Variants in SETBP1 observed in about 807,000 individuals in gnomAD.
SETBP1 encodes the protein SET-binding protein.
A neutral mutation model predicts 101.0 loss-of-function variants in SETBP1; 9 were observed. That is an observed-to-expected ratio of 0.09 (90% confidence interval 0.05 to 0.16). SETBP1 has a LOEUF of 0.16. SETBP1 is among the 10% of genes least tolerant of loss of function. SETBP1 has a pLI of 1.00. For missense variants in SETBP1, 1,858 were observed against 2,033.8 expected (o/e 0.91, Z 1.66); for synonymous variants, 818 against 788.5 (o/e 1.04, Z -0.63).
chr18:44,994,296 T>A (rs1944275), intron 4 of SETBP1, among the ~76,000 whole-genome samples: 33,113 of 152,008 alleles, frequency 0.22, 3,954 homozygotes, highest in East Asian at 0.52. Context: ...AGGATTACTC[T>A]TGTAATCCAG....
intron 4 of SETBP1, among the ~76,000 whole-genome samples, chr18:44,965,312 C>CACAG (rs992242128): frequency 1.1e-4 from 17 of 151,542 alleles, no homozygotes; most frequent in Non-Finnish European, 1.9e-4. Flanking sequence ...CACACACACA[C>CACAG]AGATCACTCA....
chr18:44,890,350 A>G (rs1023241240), intron 3 of SETBP1, among the ~76,000 whole-genome samples: 15 of 152,160 alleles, frequency 9.9e-5, no homozygotes, highest in African/African-American at 3.4e-4. Flanking sequence ...ATTGTGAAAC[A>G]TAAAGGGGCT....
chr18:44,701,635 A>G lies in SETBP1; in HGVS notation c.289A>G (p.Asn97Asp), dbSNP rs945468556. ...GCAGGAATTTTCTATCAAGGAGGCA[A>G]ACTTCACAGAGGGAAGTCTGAAGCT... ...EEQEFSIKEA[N>D]FTEGSLKLKI... Residue 97 changes from asparagine to aspartate, a missense_variant, in exon 2 of 6, where the codon AAC becomes GAC. Asn to Asp is a conservative substitution (Grantham distance 23). This residue lies in a region of SETBP1 where 28 missense variants were observed against 59.2 expected (regional missense o/e 0.47). Transcript: ENST00000649279. 4.3e-6 allele frequency: 7 copies of G among 1,614,022 alleles called. No homozygotes were observed. The highest frequency in any genetic ancestry group is 4.0e-5 in the African/African-American group (3 of 74,892).
At chr18:44,995,135 C>CTTTTTTT (rs58617770) in intron 4 of SETBP1, among the ~76,000 whole-genome samples, 4 of 95,026 alleles carry the variant, frequency 4.2e-5, no homozygotes, top group Non-Finnish European at 8.0e-5. Context: ...ATGTTATTTA[C>CTTTTTTT]TTTTTTTTTT....
At chr18:44,848,488 G>C (rs755942341) in intron 2 of SETBP1, among the ~76,000 whole-genome samples, 1 of 152,194 alleles carries the variant, frequency 6.6e-6, no homozygotes, top group Non-Finnish European at 1.5e-5. Flanking sequence ...GTTGAGAAGA[G>C]ACATGTATAC....
chr18:44,780,712 A>G (rs1473117929), intron 2 of SETBP1, among the ~76,000 whole-genome samples: 1 of 152,240 alleles, frequency 6.6e-6, no homozygotes, highest in Admixed American at 6.5e-5. Flanking sequence ...AGTTGCCCTC[A>G]TAGTTATGGT....
intron 4 of SETBP1, among the ~76,000 whole-genome samples, chr18:44,994,089 T>C (rs1410504401): frequency 1.3e-5 from 2 of 152,142 alleles, no homozygotes; most frequent in East Asian, 1.9e-4. Context: ...ATTTGCATTT[T>C]ATATTACCAA....
rs776187085 is a variant in SETBP1 at position 44,952,362 on chromosome 18, C to T, written c.3022C>T (p.Arg1008Cys). 11 of 1,613,962 alleles carry T rather than the reference C, an allele frequency of 6.8e-6. No homozygotes were observed. Among genetic ancestry groups the T allele is most frequent in the East Asian group, 4.5e-5 (2 of 44,858 alleles). Residue 1008 changes from arginine (R) to cysteine (C), a missense_variant, in exon 4 of 6, where the codon CGT (arginine) becomes TGT (cysteine). Arg to Cys is a radical substitution (Grantham distance 180, BLOSUM62 -3). Transcript: ENST00000649279. ...CCAGTATGACCCGTTGCTCTATCTT[C>T]GTAGGACTTCAGACTTGAAGTCAAA... ...YIQYDPLLYL[R>C]RTSDLKSKKK...
At chr18:44,785,880 A>G (rs1174142612) in intron 2 of SETBP1, among the ~76,000 whole-genome samples, 1 of 152,218 alleles carries the variant, frequency 6.6e-6, no homozygotes, top group Non-Finnish European at 1.5e-5. Context: ...CCTTATAAGT[A>G]CATTTTATTA....
chr18:44,727,507 G>A (rs968870891), intron 2 of SETBP1, among the ~76,000 whole-genome samples: 1 of 152,104 alleles, frequency 6.6e-6, no homozygotes, highest in Admixed American at 6.5e-5. Context: ...GACAGTAGGT[G>A]GACACTGTCT....
intron 2 of SETBP1, among the ~76,000 whole-genome samples, chr18:44,702,407 C>T (rs1335377587): frequency 6.6e-6 from 1 of 152,114 alleles, no homozygotes; most frequent in Non-Finnish European, 1.5e-5. Flanking sequence ...TTTAGAGACT[C>T]AAGAAGAAAC....
At chr18:45,008,338 C>T (rs574440593) in intron 4 of SETBP1, among the ~76,000 whole-genome samples, 57 of 152,202 alleles carry the variant, frequency 3.7e-4, no homozygotes, top group African/African-American at 1.3e-3. Flanking sequence ...TAGTCTTCAT[C>T]GAAGACCATG....
chr18:44,991,225 A>G (rs1236697352), intron 4 of SETBP1, among the ~76,000 whole-genome samples: 1 of 145,308 alleles, frequency 6.9e-6, no homozygotes, highest in Non-Finnish European at 1.5e-5. Context: ...CCTGAGTGAC[A>G]GAGCGAGACT....
chr18:45,049,426 C>T (rs1053551220), intron 5 of SETBP1, among the ~76,000 whole-genome samples: 1 of 152,138 alleles, frequency 6.6e-6, no homozygotes, highest in Non-Finnish European at 1.5e-5. Flanking sequence ...TGTCTACACT[C>T]GTGTTTTGGT....
At chr18:44,872,376 A>G (rs2069296526) in intron 3 of SETBP1, among the ~76,000 whole-genome samples, 1 of 152,194 alleles carries the variant, frequency 6.6e-6, no homozygotes, top group Admixed American at 6.5e-5. Context: ...TTTGTTCTAC[A>G]TAGACACACA....
At chr18:44,848,440 T>A (rs377470215) in intron 2 of SETBP1, among the ~76,000 whole-genome samples, 3 of 152,152 alleles carry the variant, frequency 2.0e-5, no homozygotes, top group Non-Finnish European at 4.4e-5. Flanking sequence ...TTTGCTCATA[T>A]GGAAATACAC....
At chr18:44,905,994 C>T (rs1398163701) in intron 3 of SETBP1, among the ~76,000 whole-genome samples, 2 of 152,310 alleles carry the variant, frequency 1.3e-5, no homozygotes, top group South Asian at 2.1e-4. Context: ...TCATAGCCAA[C>T]GGTCAGAATC....
intron 4 of SETBP1, among the ~76,000 whole-genome samples, chr18:44,985,076 G>A (rs1200627798): frequency 6.6e-6 from 1 of 152,188 alleles, no homozygotes; most frequent in Non-Finnish European, 1.5e-5. Flanking sequence ...AGGAGGCGGA[G>A]GTTGCAGTGA....
At chr18:45,008,208 A>C (rs1214177594) in intron 4 of SETBP1, among the ~76,000 whole-genome samples, 2 of 152,178 alleles carry the variant, frequency 1.3e-5, no homozygotes, top group Non-Finnish European at 2.9e-5. Flanking sequence ...CCTAGGGGAC[A>C]AGAGGTTTTC....
Sources: allele counts gnomAD v4.1 joint callset (sites outside exome capture counted in the v4.1 genomes callset), GRCh38; gene constraint gnomAD v4.1.1; regional missense constraint gnomAD v4.1.1; transcripts MANE v1.5; gene names NCBI Gene and HGNC (gene_info 2026-07-23, HGNC 2026-07-21).